CROT: variants seen among roughly 807,000 people sequenced by gnomAD.
CROT encodes the protein peroxisomal carnitine O-octanoyltransferase.
In CROT, 84 loss-of-function variants were observed where a neutral mutation model predicts 89.2. The ratio of observed to expected loss-of-function variants is 0.94; its 90% CI spans 0.79 to 1.13. The LOEUF (loss-of-function observed/expected upper bound fraction) is 1.13, where lower values mean the gene tolerates loss of function less well. CROT is among the 50% of genes most tolerant of loss of function. The probability of loss-of-function intolerance (pLI) is 0.00; values close to 1 mark genes in which losing one functional copy is unlikely to be tolerated. For synonymous variants in CROT, 212 were observed against 239.5 expected, an observed-to-expected ratio of 0.89 and a Z score of 1.06; for missense variants, 711 against 727.8, an observed-to-expected ratio of 0.98 and a Z score of 0.27.
intron 3 of CROT, among the ~76,000 whole-genome samples, chr7:87,357,001 G>A (rs185275116): frequency 7.9e-5 from 12 of 152,286 alleles, no homozygotes; most frequent in African/African-American, 2.6e-4. Flanking sequence ...CAGCCTGGGT[G>A]ATAGAGCGAG....
chr7:87,382,783 TG>T (rs1391466966), intron 13 of CROT, among the ~76,000 whole-genome samples: 1 of 152,222 alleles, frequency 6.6e-6, no homozygotes, highest in African/African-American at 2.4e-5. Flanking sequence ...TATTCTCATC[TG>T]AAAGAGGATT....
chr7:87,363,510 T>G (rs1451906129), intron 6 of CROT, among the ~76,000 whole-genome samples: 1 of 152,176 alleles, frequency 6.6e-6, no homozygotes, highest in Non-Finnish European at 1.5e-5. Flanking sequence ...CAGAATGCTC[T>G]GGGCAGGAAT....
chr7:87,361,328 C>T (rs1429456245), intron 4 of CROT, 62 bp from the exon 5 acceptor site: 4 of 1,428,954 alleles, frequency 2.8e-6, no homozygotes, highest in East Asian at 2.3e-5. Context: ...TTTAAAATTC[C>T]CAGTAGTTAC....
intron 6 of CROT, 89 bp from the exon 7 acceptor site, chr7:87,369,287 A>G: frequency 1.3e-6 from 1 of 748,130 alleles, no homozygotes. Flanking sequence ...ATACTGGAAG[A>G]ATGCCTACTT....
chr7:87,393,753 G>T (rs1244222765), intron 17 of CROT, among the ~76,000 whole-genome samples: 1 of 152,168 alleles, frequency 6.6e-6, no homozygotes, highest in Non-Finnish European at 1.5e-5. Flanking sequence ...AGGCACTTCA[G>T]ATAGAATGTG....
At chr7:87,373,329 C>T (rs546044283) in intron 7 of CROT, among the ~76,000 whole-genome samples, 4 of 151,946 alleles carry the variant, frequency 2.6e-5, no homozygotes, top group African/African-American at 9.7e-5. Context: ...AGATATAAGT[C>T]TTTTTACAGA....
chr7:87,383,063 G>A (rs529603439), intron 13 of CROT, among the ~76,000 whole-genome samples: 12 of 152,234 alleles, frequency 7.9e-5, no homozygotes, highest in East Asian at 3.9e-4. Flanking sequence ...GTCAAATCAC[G>A]GTAATTGGGA....
intron 17 of CROT, 114 bp from the exon 18 acceptor site, chr7:87,398,410 G>A: frequency 7.6e-7 from 1 of 1,308,818 alleles, no homozygotes; most frequent in Non-Finnish European, 1.1e-6. Context: ...CCTAATGTCA[G>A]CAAGACTTCA....
intron 17 of CROT, among the ~76,000 whole-genome samples, chr7:87,394,236 A>G (rs542193543): frequency 9.2e-5 from 14 of 152,338 alleles, no homozygotes. Flanking sequence ...AAGAGTTGCA[A>G]GTATCTCCTT....
At chr7:87,352,445 A>C (rs1026700768) in intron 3 of CROT, among the ~76,000 whole-genome samples, 2 of 152,212 alleles carry the variant, frequency 1.3e-5, no homozygotes, top group Non-Finnish European at 2.9e-5. Flanking sequence ...CTTAACCTTA[A>C]AACCCCTTTT....
intron 7 of CROT, among the ~76,000 whole-genome samples, chr7:87,372,012 A>G (rs1382220093): frequency 6.6e-6 from 1 of 151,304 alleles, no homozygotes; most frequent in Non-Finnish European, 1.5e-5. Flanking sequence ...AAAAACAAAA[A>G]AAAAAAAACA....
Position 87,359,188 on chromosome 7 carries a change from C to CGTATTAAG in CROT, c.116-13_116-12insAAGGTATT. 1 of 1,497,886 alleles carries CGTATTAAG rather than the reference C, an allele frequency of 6.7e-7. No homozygotes were observed. Among genetic ancestry groups the CGTATTAAG allele is most frequent in the Non-Finnish European group, 9.3e-7 (1 of 1,080,376 alleles). 92.8% of individuals were successfully genotyped at this position (1,497,886 alleles called of 1,614,324 possible). A position where few individuals can be genotyped will look rare whatever the true frequency, so the allele number is the denominator to read the frequency against. ...GGTACTTGGTCTAAATACCTTAATA[C>CGTATTAAG]GTATTTTTCCTTTCTAGTGAAACCA... On this transcript the variant is annotated splice_polypyrimidine_tract_variant and intron_variant, in intron 3 of 17. Coordinates refer to ENST00000331536, the MANE Select transcript of CROT (RefSeq NM_021151.4).
rs776822344 is a variant in CROT at position 87,369,441 on chromosome 7, G to T, written c.613G>T (p.Val205Leu). 9.9e-6 allele frequency: 16 copies of T among 1,613,256 alleles called. 1 individual carries two copies. In the South Asian group the frequency reaches 1.8e-4, roughly 18 times the overall value. ...LCRGRAFVFD[V>L]IHEGCLVTPP... ...TCGAGGCCGAGCTTTTGTCTTTGAT[G>T]TAATACATGAAGGATGTTTGGTCAC... is the stretch of plus-strand genomic sequence containing the variant. The change falls in exon 7 of 18, where the codon GTA (valine) becomes TTA (leucine). Residue 205 changes from valine to leucine, a missense_variant. Coordinates refer to ENST00000331536, the MANE Select transcript of CROT (RefSeq NM_021151.4).
intron 17 of CROT, among the ~76,000 whole-genome samples, chr7:87,394,501 G>A (rs1228902957): frequency 1.3e-5 from 2 of 151,482 alleles, no homozygotes; most frequent in Non-Finnish European, 2.9e-5. Flanking sequence ...ATTGAGATCT[G>A]TAGCTGCATT....
intron 13 of CROT, among the ~76,000 whole-genome samples, chr7:87,389,968 A>T (rs1485072447): frequency 6.6e-6 from 1 of 152,032 alleles, no homozygotes; most frequent in Non-Finnish European, 1.5e-5. Flanking sequence ...CATTTGATTG[A>T]TATACCTTAT....
At chr7:87,365,217 G>C (rs1806398530) in intron 6 of CROT, among the ~76,000 whole-genome samples, 1 of 152,148 alleles carries the variant, frequency 6.6e-6, no homozygotes, top group African/African-American at 2.4e-5. Flanking sequence ...GGCCAGGCCT[G>C]GTGGCTCATG....
intron 17 of CROT, among the ~76,000 whole-genome samples, chr7:87,396,034 G>T (rs1807514544): frequency 6.6e-6 from 1 of 152,160 alleles, no homozygotes; most frequent in Admixed American, 6.5e-5. Flanking sequence ...ACTATGTCCA[G>T]ATGTACATGA....
Position 87,349,072 on chromosome 7 carries a change from G to GA in CROT, c.8dup (p.Asn3LysfsTer5). The GA allele has an allele frequency of 6.4e-7, 1 of 1,571,830 alleles. No individual in the cohort carries two copies. The highest frequency in any genetic ancestry group is 8.7e-7 in the Non-Finnish European group (1 of 1,147,852). On this transcript the variant is annotated frameshift_variant, in exon 3 of 18. Transcript: ENST00000331536. LOFTEE classifies it high-confidence loss of function. ...GGTTTCCTATTGTGATTTTATCATG[G>GA]AAAATCAATTGGCTAAATCAACTGA...
chr7:87,358,606 G>A (rs535731231), intron 3 of CROT, among the ~76,000 whole-genome samples: 1 of 151,898 alleles, frequency 6.6e-6, no homozygotes, highest in East Asian at 1.9e-4. Flanking sequence ...TAAAGCAAAT[G>A]TTATTAAAAA....
Sources: gnomAD v4.1 joint callset for allele counts (sites outside exome capture counted in the v4.1 genomes callset) on GRCh38, gnomAD v4.1.1 for gene constraint, MANE v1.5 for transcripts, NCBI Gene and HGNC (gene_info 2026-07-23, HGNC 2026-07-21) for gene names.